DEPDC5: variants seen among roughly 807,000 people sequenced by gnomAD.
The protein encoded by DEPDC5 is DEP domain containing 5, GATOR1 subcomplex subunit.
DEPDC5 carries 73 observed loss-of-function variants against 217.3 expected under a neutral mutation model. That is an observed-to-expected ratio of 0.34 (90% CI 0.28 to 0.41). DEPDC5 has a LOEUF of 0.41. DEPDC5 is among the 10% of genes least tolerant of loss of function. The probability of loss-of-function intolerance (pLI) is 1.00; values close to 1 mark genes in which losing one functional copy is unlikely to be tolerated. For missense variants in DEPDC5, 1,675 were observed against 2,070.1 expected (o/e 0.81, Z 3.70); for synonymous variants, 733 against 756.7 (o/e 0.97, Z 0.51).
rs1188328724 is a variant in DEPDC5, at chr22:31,768,807, C to T, written c.364-7C>T. 1.2e-6 allele frequency: 2 copies of T among 1,612,768 alleles called. No individual in the cohort carries two copies. The highest frequency in any genetic ancestry group is 2.2e-5 in the South Asian group (2 of 90,810). ...CTCTCTCTACCCCTCTCTCCCCCTC[C>T]TCTTAGGTCAGCACATGTGCCTATA... On this transcript the variant is annotated splice_polypyrimidine_tract_variant and splice_region_variant and intron_variant, in intron 6 of 42. Coordinates refer to ENST00000651528, the MANE Select transcript of DEPDC5 (RefSeq NM_001242896.3).
Position 31,809,614 on chromosome 22 carries a change from G to A in DEPDC5, c.1291G>A (p.Ala431Thr), listed in dbSNP as rs777844378. 54 of 1,613,778 alleles carry A rather than the reference G, an allele frequency of 3.3e-5. No individual in the cohort carries two copies. Among genetic ancestry groups the A allele is most frequent in the Admixed American group, 1.0e-4 (6 of 59,970 alleles). ...PRIKLAGKKPASEKAKNGRDT... is the reference protein window; with the variant it reads ...PRIKLAGKKPTSEKAKNGRDT... The stretch of plus-strand genomic sequence containing the variant: ...AATTATCTATTTAATTTTTCAGCCC[G>A]CCTCTGAGAAAGCAAAAAATGGCCG... Residue 431 changes from alanine to threonine, a missense_variant, in exon 19 of 43, where the codon GCC becomes ACC. Physicochemically the swap from Ala to Thr is moderately conservative, Grantham distance 58 (BLOSUM62 0). Around this residue, in one of 11 missense-constraint regions of DEPDC5, gnomAD observed 628 missense variants for 762.1 expected, o/e 0.82. Transcript: ENST00000651528.
chr22:31,820,609 T>G (rs760890774), intron 22 of DEPDC5, among the ~76,000 whole-genome samples: 16 of 152,140 alleles, frequency 1.1e-4, no homozygotes, highest in Non-Finnish European at 7.3e-5. Context: ...CACTACTTGT[T>G]TCTTTCTGTG....
intron 33 of DEPDC5, 28 bp downstream of exon 33, chr22:31,861,461 C>T: frequency 6.4e-7 from 1 of 1,550,768 alleles, no homozygotes. Context: ...GCTTCGCATG[C>T]CTGTCCCACT....
chr22:31,880,522 GT>G (rs1245672236), intron 38 of DEPDC5, among the ~76,000 whole-genome samples: 1 of 152,226 alleles, frequency 6.6e-6, no homozygotes. Flanking sequence ...GAAATTCCAT[GT>G]TCTGCTTTGT....
In DEPDC5 at chr22:31,843,156, G is replaced by A. The variant is rs375938114; in HGVS notation, c.2577G>A (p.Thr859=). 46 of 1,614,022 alleles carry A rather than the reference G, an allele frequency of 2.9e-5. No individual in the cohort carries two copies. The highest frequency in any genetic ancestry group is 3.6e-5 in the Non-Finnish European group (43 of 1,180,034). ...EDQYWLSMGR[T]FHKVTLKDKM... ...AGTATTGGCTGAGTATGGGCAGAAC[G>A]TTCCACAAAGTGACGCTGAAGGATA... Residue 859 remains threonine, a synonymous_variant, in exon 28 of 43, where the codon ACG becomes ACA. Coordinates refer to ENST00000651528, the MANE Select transcript of DEPDC5 (RefSeq NM_001242896.3).
intron 4 of DEPDC5, among the ~76,000 whole-genome samples, chr22:31,763,925 G>A (rs1476545493): frequency 6.6e-6 from 1 of 151,718 alleles, no homozygotes; most frequent in African/African-American, 2.4e-5. Flanking sequence ...TGTTATGTTT[G>A]TTATGTTATG....
At chr22:31,882,074 C>T (rs2093191542) in intron 38 of DEPDC5, among the ~76,000 whole-genome samples, 1 of 151,822 alleles carries the variant, frequency 6.6e-6, no homozygotes, top group Non-Finnish European at 1.5e-5. Context: ...AAACCTGTTA[C>T]AAATATAACA....
chr22:31,868,214 AC>A (rs1164715749), intron 33 of DEPDC5, among the ~76,000 whole-genome samples: 21 of 151,876 alleles, frequency 1.4e-4, no homozygotes, highest in Admixed American at 1.4e-3. Flanking sequence ...GAGGAACTTT[AC>A]CCCCCAAGGG....
chr22:31,805,428 GC>G (rs898740024), intron 17 of DEPDC5, among the ~76,000 whole-genome samples: 8 of 151,870 alleles, frequency 5.3e-5, no homozygotes, highest in African/African-American at 1.9e-4. Flanking sequence ...CTCCTGTGCT[GC>G]CCTGATAGCT....
At chr22:31,783,190 G>A (rs1471443527) in intron 8 of DEPDC5, among the ~76,000 whole-genome samples, 2 of 152,156 alleles carry the variant, frequency 1.3e-5, no homozygotes, top group Non-Finnish European at 2.9e-5. Context: ...ACATGGGTGT[G>A]GACAAATAAG....
intron 32 of DEPDC5, chr22:31,858,700 A>G (rs1299415188): frequency 6.6e-6 from 1 of 152,206 alleles, no homozygotes; most frequent in East Asian, 1.9e-4. Context: ...TCATTTTATC[A>G]TATGAATATG....
intron 20 of DEPDC5, 25 bp downstream of exon 20, chr22:31,810,666 G>C (rs776683456): frequency 6.2e-7 from 1 of 1,612,870 alleles, no homozygotes; most frequent in Non-Finnish European, 8.5e-7. Context: ...TCACTTGGGG[G>C]TGCATATAAA....
intron 22 of DEPDC5, among the ~76,000 whole-genome samples, chr22:31,820,429 T>C (rs1045044838): frequency 2.0e-5 from 3 of 152,174 alleles, no homozygotes; most frequent in African/African-American, 7.2e-5. Flanking sequence ...TATTTTATTT[T>C]TTTCATGGAA....
chr22:31,803,800 A>G (rs1206597954), intron 15 of DEPDC5, among the ~76,000 whole-genome samples: 1 of 152,112 alleles, frequency 6.6e-6, no homozygotes, highest in Non-Finnish European at 1.5e-5. Context: ...AGCTCTGTTA[A>G]GTGATGTGGA....
intron 20 of DEPDC5, among the ~76,000 whole-genome samples, chr22:31,812,438 T>G (rs2148726641): frequency 6.9e-6 from 1 of 145,602 alleles, no homozygotes; most frequent in Admixed American, 6.8e-5. Context: ...TTTTTTTTTT[T>G]TTTTGAGACA....
chr22:31,761,829 G>A lies in DEPDC5; in HGVS notation c.193+1127G>A, dbSNP rs140527289. 3.7e-3 allele frequency among the ~76,000 whole-genome samples: 555 copies of A among 151,890 alleles called. 2 individuals carry two copies. Among genetic ancestry groups the A allele is most frequent in the African/African-American group, 0.012 (518 of 41,444 alleles). On this transcript the variant is annotated intron_variant, in intron 4 of 42. Coordinates refer to ENST00000651528, the MANE Select transcript of DEPDC5 (RefSeq NM_001242896.3). ...CTAAAATACAAAATATTAGCCGGGTGTGGTGGCATGCACCTATAATCCTAG... is the reference window on the plus strand; with the variant it reads ...CTAAAATACAAAATATTAGCCGGGTATGGTGGCATGCACCTATAATCCTAG...
chr22:31,784,086 A>G (rs1230401392), intron 9 of DEPDC5, 101 bp downstream of exon 9: 1 of 911,212 alleles, frequency 1.1e-6, no homozygotes, highest in Non-Finnish European at 1.7e-6. Context: ...TCATCTTCTA[A>G]CAAACTTTAA....
chr22:31,790,067 TTGCACTA>T (rs2085445107), intron 10 of DEPDC5, among the ~76,000 whole-genome samples: 2 of 152,194 alleles, frequency 1.3e-5, no homozygotes, highest in Admixed American at 6.5e-5. Flanking sequence ...TGTATATCAC[TTGCACTA>T]AAATTAGATA....
intron 18 of DEPDC5, among the ~76,000 whole-genome samples, chr22:31,809,237 G>A (rs113047808): frequency 2.0e-5 from 3 of 152,276 alleles, no homozygotes; most frequent in African/African-American, 7.2e-5. Flanking sequence ...GTAGTGAAGG[G>A]GGAGGCATGC....
Sources: allele counts gnomAD v4.1 joint callset (sites outside exome capture counted in the v4.1 genomes callset), GRCh38; gene constraint gnomAD v4.1.1; regional missense constraint gnomAD v4.1.1; transcripts MANE v1.5; gene names NCBI Gene and HGNC (gene_info 2026-07-23, HGNC 2026-07-21).